Variants in TUSC3 observed in about 807,000 individuals in gnomAD.
TUSC3 encodes tumor suppressor candidate 3, also known as dolichyl-diphosphooligosaccharide--protein glycosyltransferase subunit TUSC3.
A neutral mutation model predicts 44.8 loss-of-function variants in TUSC3; 45 were observed. That is an observed-to-expected ratio of 1.00 (90% CI 0.79 to 1.29). The LOEUF is 1.29. TUSC3 is among the 50% of genes most tolerant of loss of function. The probability of loss-of-function intolerance (pLI) is 0.00; values close to 1 mark genes in which losing one functional copy is unlikely to be tolerated. For synonymous variants in TUSC3, 212 were observed against 152.9 expected, an observed-to-expected ratio of 1.39 and a Z score of -2.85; for missense variants, 519 against 437.9, an observed-to-expected ratio of 1.19 and a Z score of -1.65.
chr8:15,761,321 CTTT>C (rs1443807802), intron 10 of TUSC3, among the ~76,000 whole-genome samples: 1 of 152,108 alleles, frequency 6.6e-6, no homozygotes, highest in East Asian at 1.9e-4. Flanking sequence ...GAAGTTTCTT[CTTT>C]GTGTAAACAG....
At chr8:15,435,088 C>G (rs1049685173) in intron 1 of TUSC3, among the ~76,000 whole-genome samples, 28 of 148,744 alleles carry the variant, frequency 1.9e-4, no homozygotes, top group Admixed American at 1.3e-3. Context: ...ATTTCTAGTT[C>G]TAGATCCCTG....
chr8:15,650,901 C>T lies in TUSC3; in HGVS notation c.426+87C>T. The T allele has an allele frequency of 5.0e-6, 7 of 1,399,702 alleles. No homozygotes were observed. The South Asian group carries it at 6.9e-5, about 14-fold the overall frequency. 86.7% of individuals were successfully genotyped at this position (1,399,702 alleles called of 1,614,324 possible). A position where few individuals can be genotyped will look rare whatever the true frequency, so the allele number is the denominator to read the frequency against. On this transcript the variant is annotated intron_variant, in intron 3 of 10. Coordinates refer to ENST00000503731, the MANE Select transcript of TUSC3 (RefSeq NM_006765.4). ...TTGTCACATAAAAATACAATTCATTCATCGTCTGAACCTGGGAGGCGGAGG... is the reference window on the plus strand; with the variant it reads ...TTGTCACATAAAAATACAATTCATTTATCGTCTGAACCTGGGAGGCGGAGG...
intron 1 of TUSC3, among the ~76,000 whole-genome samples, chr8:15,458,743 ATGAGTAAC>A (rs531199690): frequency 9.3e-4 from 141 of 152,188 alleles, no homozygotes; most frequent in Non-Finnish European, 1.7e-3. Context: ...GTTCAGAATG[ATGAGTAAC>A]TGGGGACTAA....
intron 3 of TUSC3, among the ~76,000 whole-genome samples, chr8:15,651,838 A>G (rs773935035): frequency 2.6e-5 from 4 of 152,314 alleles, no homozygotes; most frequent in South Asian, 2.1e-4. Flanking sequence ...ACTCATTATC[A>G]TCGATGTTGT....
At chr8:15,809,094 C>G in the TUSC3 span, among the ~76,000 whole-genome samples, 1 of 152,088 alleles carries the variant, frequency 6.6e-6, no homozygotes, top group Non-Finnish European at 1.5e-5. Context: ...TGATGGCACA[C>G]TATCATGCTA....
chr8:15,512,660 C>G (rs1801153150), intron 2 of TUSC3, among the ~76,000 whole-genome samples: 2 of 151,710 alleles, frequency 1.3e-5, no homozygotes, highest in African/African-American at 4.9e-5. Flanking sequence ...ATAATTCCAG[C>G]TAGATGGGAG....
chr8:15,681,966 G>C (rs1254429967), intron 6 of TUSC3, among the ~76,000 whole-genome samples: 1 of 152,010 alleles, frequency 6.6e-6, no homozygotes, highest in Non-Finnish European at 1.5e-5. Flanking sequence ...ATGTAATTTT[G>C]TGTTTTTGAG....
the TUSC3 span, among the ~76,000 whole-genome samples, chr8:15,775,321 G>T: frequency 1.3e-5 from 2 of 152,026 alleles, no homozygotes; most frequent in Non-Finnish European, 2.9e-5. Context: ...GATGGGGAGT[G>T]ACTATTTAGT....
At chr8:15,843,049 A>C in the TUSC3 span, among the ~76,000 whole-genome samples, 2 of 152,192 alleles carry the variant, frequency 1.3e-5, no homozygotes, top group Non-Finnish European at 2.9e-5. Context: ...CAGTCTCCCA[A>C]GGAAAGGAAG....
intron 2 of TUSC3, among the ~76,000 whole-genome samples, chr8:15,490,636 CATG>C (rs1468666224): frequency 6.6e-6 from 1 of 152,190 alleles, no homozygotes; most frequent in Non-Finnish European, 1.5e-5. Context: ...TCCTATAAAA[CATG>C]ATACATTTGC....
At position 15,751,608 on chromosome 8, in the gene TUSC3, G is replaced by A. The variant is rs574928085; in HGVS notation, c.1028+3143G>A. On this transcript the variant is annotated intron_variant, in intron 9 of 10. Transcript: ENST00000503731. ...AGTCTACCCTTTGGACTCCTTGGAG[G>A]TGTTCAAAGAGCTCACTGAATGTAA... Among the ~76,000 whole-genome samples, 14 of 152,264 alleles carry A rather than the reference G, an allele frequency of 9.2e-5. No homozygotes were observed. In the South Asian group the frequency reaches 2.9e-3, roughly 32 times the overall value.
intron 1 of TUSC3, among the ~76,000 whole-genome samples, chr8:15,540,996 C>T (rs1801670073): frequency 6.6e-6 from 1 of 152,330 alleles, no homozygotes; most frequent in East Asian, 1.9e-4. Context: ...AGAACCTGTG[C>T]AGAGTGTGTT....
chr8:15,698,004 G>T (rs1193223013), intron 6 of TUSC3, among the ~76,000 whole-genome samples: 5 of 152,126 alleles, frequency 3.3e-5, no homozygotes, highest in Non-Finnish European at 7.4e-5. Flanking sequence ...ACCCCAAACT[G>T]TGTGTTGAAA....
intron 1 of TUSC3, among the ~76,000 whole-genome samples, chr8:15,434,075 G>C (rs775653123): frequency 1.3e-5 from 2 of 152,140 alleles, no homozygotes; most frequent in African/African-American, 4.8e-5. Flanking sequence ...AGTCTCAATA[G>C]CAACGTGAGA....
intron 6 of TUSC3, among the ~76,000 whole-genome samples, chr8:15,703,518 G>C (rs1809490844): frequency 6.6e-6 from 1 of 152,030 alleles, no homozygotes; most frequent in Non-Finnish European, 1.5e-5. Context: ...TGTTATAAAG[G>C]AATACCTGAG....
chr8:15,775,697 CACATATATACAT>C, the TUSC3 span, among the ~76,000 whole-genome samples: 1 of 147,388 alleles, frequency 6.8e-6, no homozygotes, highest in South Asian at 2.1e-4. Flanking sequence ...TGTACACACA[CACATATATACAT>C]ATATATACAC....
chr8:15,553,738 T>A (rs548530908), intron 1 of TUSC3, among the ~76,000 whole-genome samples: 4 of 151,644 alleles, frequency 2.6e-5, no homozygotes, highest in Non-Finnish European at 5.9e-5. Flanking sequence ...CAATTTGCTG[T>A]GAATGGGAAG....
intron 2 of TUSC3, among the ~76,000 whole-genome samples, chr8:15,496,142 T>C (rs1195616723): frequency 1.3e-5 from 2 of 152,192 alleles, no homozygotes; most frequent in Non-Finnish European, 2.9e-5. Flanking sequence ...CTCAATACCA[T>C]GTTCTATACG....
the TUSC3 span, among the ~76,000 whole-genome samples, chr8:15,800,420 C>T: frequency 6.6e-6 from 1 of 151,828 alleles, no homozygotes; most frequent in Non-Finnish European, 1.5e-5. Flanking sequence ...AAAAAATACA[C>T]AAATTAGCCG....
Sources: allele counts gnomAD v4.1 joint callset (sites outside exome capture counted in the v4.1 genomes callset), GRCh38; gene constraint gnomAD v4.1.1; transcripts MANE v1.5; gene names NCBI Gene and HGNC (gene_info 2026-07-23, HGNC 2026-07-21).